GALM: variants seen among roughly 807,000 people sequenced by gnomAD.
GALM encodes galactose mutarotase.
GALM carries 43 observed loss-of-function variants against 37.4 expected under a neutral mutation model. That is an observed-to-expected ratio of 1.15 (90% CI 0.90 to 1.48). The LOEUF is 1.48. GALM is among the 40% of genes most tolerant of loss of function. The probability of loss-of-function intolerance (pLI) is 0.00; values close to 1 mark genes in which losing one functional copy is unlikely to be tolerated. For missense variants in GALM, 456 were observed against 419.1 expected (o/e 1.09, Z -0.77); for synonymous variants, 199 against 170.6 (o/e 1.17, Z -1.30).
At chr2:38,714,693 T>C (rs1666236014) in intron 4 of GALM, among the ~76,000 whole-genome samples, 1 of 152,222 alleles carries the variant, frequency 6.6e-6, no homozygotes, top group South Asian at 2.1e-4. Flanking sequence ...TGAAACAAAC[T>C]AACAAATCCC....
chr2:38,721,259 TAGAA>T (rs1490643262), intron 4 of GALM, among the ~76,000 whole-genome samples: 2 of 152,194 alleles, frequency 1.3e-5, no homozygotes, highest in Admixed American at 6.5e-5. Context: ...AGAATGCAAA[TAGAA>T]AGAGGAAGGT....
intron 4 of GALM, among the ~76,000 whole-genome samples, chr2:38,711,648 C>T (rs1666162815): frequency 6.6e-6 from 1 of 151,098 alleles, no homozygotes. Context: ...AATGAGACTG[C>T]CTAGTGAGAA....
At chr2:38,728,064 A>G (rs567001956) in intron 4 of GALM, among the ~76,000 whole-genome samples, 16 of 152,298 alleles carry the variant, frequency 1.1e-4, no homozygotes, top group African/African-American at 3.6e-4. Flanking sequence ...ATTTGCATTT[A>G]CCTTTAAAAT....
At chr2:38,673,803 C>T (rs1436361629) in intron 1 of GALM, among the ~76,000 whole-genome samples, 1 of 136,238 alleles carries the variant, frequency 7.3e-6, no homozygotes, top group African/African-American at 2.9e-5. Context: ...GAGCGAGACT[C>T]CGTCTCAAAA....
intron 4 of GALM, among the ~76,000 whole-genome samples, chr2:38,704,042 TAAATAAAATA>T (rs70954745): frequency 2.0e-4 from 30 of 149,872 alleles, no homozygotes; most frequent in Non-Finnish European, 2.9e-5. Flanking sequence ...AATAAATAAA[TAAATAAAATA>T]AAATAAAATA....
chr2:38,676,907 TC>T (rs1208656066), intron 2 of GALM, among the ~76,000 whole-genome samples: 1 of 152,140 alleles, frequency 6.6e-6, no homozygotes. Context: ...CCAACATGCT[TC>T]CCTGTACCTG....
At chr2:38,723,448 G>C (rs1384148508) in intron 4 of GALM, among the ~76,000 whole-genome samples, 18 of 152,126 alleles carry the variant, frequency 1.2e-4, no homozygotes. Context: ...AGTTTCTTTA[G>C]TGCCAATGAG....
intron 4 of GALM, among the ~76,000 whole-genome samples, chr2:38,719,326 C>T (rs1026545826): frequency 7.3e-5 from 11 of 151,574 alleles, no homozygotes; most frequent in African/African-American, 2.7e-4. Context: ...AAAAATTAGC[C>T]AGGCGTGGTG....
At position 38,729,640 on chromosome 2, in the gene GALM, A is replaced by G; in HGVS notation, c.719A>G (p.Asn240Ser). ...LGKHLQDFHLNGFDHNFCLKG... is the reference protein window; with the variant it reads ...LGKHLQDFHLSGFDHNFCLKG... ...AAACACCTGCAGGACTTCCATCTCA[A>G]TGGTTTTGACCACAATTTCTGTCTG... is the stretch of plus-strand genomic sequence containing the variant. Residue 240 changes from asparagine to serine, a missense_variant, in exon 5 of 7, where the codon AAT becomes AGT. By Grantham distance (46) the Asn-to-Ser change is conservative (BLOSUM62 1). Coordinates refer to ENST00000272252, the MANE Select transcript of GALM (RefSeq NM_138801.3). 1 of 1,613,650 alleles carries G rather than the reference A, an allele frequency of 6.2e-7. No individual in the cohort carries two copies. Among genetic ancestry groups the G allele is most frequent in the African/African-American group, 1.3e-5 (1 of 75,034 alleles).
intron 4 of GALM, among the ~76,000 whole-genome samples, chr2:38,707,272 G>A (rs1049485340): frequency 2.6e-5 from 4 of 152,124 alleles, no homozygotes; most frequent in East Asian, 1.9e-4. Context: ...ATACATCAGC[G>A]TGTACTTTGT....
chr2:38,689,380 AG>A (rs1415184802), intron 3 of GALM, among the ~76,000 whole-genome samples: 1 of 152,092 alleles, frequency 6.6e-6, no homozygotes, highest in African/African-American at 2.4e-5. Flanking sequence ...ACTGGGCTAG[AG>A]GGGGGTGCCA....
intron 4 of GALM, among the ~76,000 whole-genome samples, chr2:38,714,095 A>C (rs1187539970): frequency 6.6e-6 from 1 of 152,166 alleles, no homozygotes; most frequent in Non-Finnish European, 1.5e-5. Context: ...AACTATTATT[A>C]GTACCATCAT....
intron 2 of GALM, among the ~76,000 whole-genome samples, chr2:38,677,997 G>A (rs1665300822): frequency 6.6e-6 from 1 of 151,398 alleles, no homozygotes; most frequent in Admixed American, 6.6e-5. Flanking sequence ...CCTGAGAGGG[G>A]TGGGGAAAGA....
intron 3 of GALM, 87 bp downstream of exon 3, chr2:38,681,573 G>A: frequency 8.7e-7 from 1 of 1,150,646 alleles, no homozygotes; most frequent in Non-Finnish European, 1.3e-6. Flanking sequence ...GTGTGGAATT[G>A]CTGTGGCAGT....
intron 4 of GALM, among the ~76,000 whole-genome samples, chr2:38,718,769 G>A (rs1335645866): frequency 2.0e-5 from 3 of 151,682 alleles, no homozygotes; most frequent in Non-Finnish European, 4.4e-5. Flanking sequence ...ATGAATGAAC[G>A]TCAAGAGTCA....
At chr2:38,685,064 C>T (rs184446082) in intron 3 of GALM, among the ~76,000 whole-genome samples, 1 of 152,214 alleles carries the variant, frequency 6.6e-6, no homozygotes, top group East Asian at 1.9e-4. Context: ...GACAAAAAGA[C>T]CCATTCCATT....
intron 4 of GALM, among the ~76,000 whole-genome samples, chr2:38,710,160 T>TGTGAAAATGCAGATTC (rs1666119482): frequency 6.6e-6 from 1 of 152,208 alleles, no homozygotes; most frequent in Non-Finnish European, 1.5e-5. Context: ...CTGTGCAACT[T>TGTGAAAATGCAGATTC]GTGAAAATGC....
chr2:38,670,095 C>G (rs1315875507), intron 1 of GALM, among the ~76,000 whole-genome samples: 2 of 151,800 alleles, frequency 1.3e-5, no homozygotes, highest in Non-Finnish European at 2.9e-5. Flanking sequence ...AACTCCTGAC[C>G]TCAAGTGATC....
chr2:38,706,313 C>T (rs1666035292), intron 4 of GALM, among the ~76,000 whole-genome samples: 1 of 148,922 alleles, frequency 6.7e-6, no homozygotes, highest in African/African-American at 2.5e-5. Context: ...GGAATTTTAA[C>T]TTTAGATCAT....
Sources: allele counts gnomAD v4.1 joint callset (sites outside exome capture counted in the v4.1 genomes callset), GRCh38; gene constraint gnomAD v4.1.1; transcripts MANE v1.5; gene names NCBI Gene and HGNC (gene_info 2026-07-23, HGNC 2026-07-21).